ZNF92: variants seen among roughly 807,000 people sequenced by gnomAD.
ZNF92 encodes the protein zinc finger protein 92.
A neutral mutation model predicts 12.4 loss-of-function variants in ZNF92; 11 were observed. That is an observed-to-expected ratio of 0.89 (90% CI 0.56 to 1.47). ZNF92 has a LOEUF of 1.47. ZNF92 is among the 40% of genes most tolerant of loss of function. The pLI is 0.00. For missense variants in ZNF92, 622 were observed against 681.0 expected (o/e 0.91, Z 0.96); for synonymous variants, 206 against 228.6 (o/e 0.90, Z 0.89).
chr7:65,375,364 C>T (rs1454918061), intron 1 of ZNF92, among the ~76,000 whole-genome samples: 4 of 151,908 alleles, frequency 2.6e-5, no homozygotes, highest in African/African-American at 9.7e-5. Context: ...CGTAGAATAA[C>T]CTGAAGTATG....
chr7:65,374,032 G>T (rs367983039), intron 1 of ZNF92, 32 bp downstream of exon 1: 5 of 1,614,024 alleles, frequency 3.1e-6, no homozygotes, highest in South Asian at 2.2e-5. Context: ...TCCCGAGAGA[G>T]GGGGAGGGTC....
In ZNF92 at chr7:65,374,014, G is replaced by C; in HGVS notation, c.3+14G>C. 6.2e-7 allele frequency: 1 copy of C among 1,614,114 alleles called. No homozygotes were observed. Among genetic ancestry groups the C allele is most frequent in the South Asian group, 1.1e-5 (1 of 91,064 alleles). On this transcript the variant is annotated intron_variant, in intron 1 of 3. Transcript: ENST00000328747. ...AGCCTAGAAATGGTGAGCCTGCTGGGTCCCACATCCCGAGAGAGGGGGAGG... is the reference window on the plus strand; with the variant it reads ...AGCCTAGAAATGGTGAGCCTGCTGGCTCCCACATCCCGAGAGAGGGGGAGG...
chr7:65,373,890 T>C lies in ZNF92; in HGVS notation c.-108T>C. ...GCAGCCGGCGCTCCACGTCTAGTCT[T>C]CACTGCTCTGCGTCCTGTGCTGATA... On this transcript the variant is annotated 5_prime_UTR_variant, in exon 1 of 4. Coordinates refer to ENST00000328747, the MANE Select transcript of ZNF92 (RefSeq NM_152626.4). 4.0e-6 allele frequency: 6 copies of C among 1,509,316 alleles called. No homozygotes were observed. In the South Asian group the frequency reaches 6.8e-5, roughly 17 times the overall value. The allele number at this position is 1,509,316 out of a possible 1,614,324, so 93.5% of individuals were successfully genotyped here.
chr7:65,387,953 C>G lies in ZNF92; in HGVS notation c.55C>G (p.Gln19Glu). The part of the protein sequence containing the change: ...VKIEFSLEEW[Q>E]CLDTAQRNLY... ...AATAGAATTCTCTCTAGAGGAATGG[C>G]AATGCCTGGACACTGCGCAGCGGAA... Residue 19 changes from glutamine (Q) to glutamate (E), a missense_variant, in exon 2 of 4, where the codon CAA (glutamine) becomes GAA (glutamate). By Grantham distance (29) the Gln-to-Glu change is conservative. Coordinates refer to ENST00000328747, the MANE Select transcript of ZNF92 (RefSeq NM_152626.4). 6.2e-7 allele frequency: 1 copy of G among 1,607,542 alleles called. No individual in the cohort carries two copies. Among genetic ancestry groups the G allele is most frequent in the Non-Finnish European group, 8.5e-7 (1 of 1,177,636 alleles).
chr7:65,373,874 G>T lies in ZNF92; in HGVS notation c.-124G>T. ...GCCTTTGTCTCTCGCTGCAGCCGGC[G>T]CTCCACGTCTAGTCTTCACTGCTCT... On this transcript the variant is annotated 5_prime_UTR_variant, in exon 1 of 4. Transcript: ENST00000328747. 2.9e-6 allele frequency: 4 copies of T among 1,363,378 alleles called. No homozygotes were observed. The South Asian group carries it at 4.7e-5, about 16-fold the overall frequency. 84.5% of individuals were successfully genotyped at this position (1,363,378 alleles called of 1,614,324 possible).
intron 3 of ZNF92, among the ~76,000 whole-genome samples, chr7:65,395,946 C>T (rs1029854452): frequency 1.2e-5 from 1 of 82,896 alleles, no homozygotes; most frequent in African/African-American, 9.3e-5. Context: ...GGGTCTCACT[C>T]TGTCAACCAG....
At chr7:65,375,662 A>G (rs985949563) in intron 1 of ZNF92, among the ~76,000 whole-genome samples, 1 of 151,804 alleles carries the variant, frequency 6.6e-6, no homozygotes, top group Non-Finnish European at 1.5e-5. Context: ...ATCCTGGCCA[A>G]TATGGTGAAA....
chr7:65,394,246 A>G (rs1793793421), intron 3 of ZNF92, among the ~76,000 whole-genome samples: 1 of 152,084 alleles, frequency 6.6e-6, no homozygotes, highest in Non-Finnish European at 1.5e-5. Context: ...ATATGGTTCA[A>G]GGAAAGGATC....
At chr7:65,376,314 G>A (rs573838569) in intron 1 of ZNF92, among the ~76,000 whole-genome samples, 1 of 152,176 alleles carries the variant, frequency 6.6e-6, no homozygotes, top group South Asian at 2.1e-4. Flanking sequence ...GGCTTGAAAG[G>A]TAAGACATAT....
At chr7:65,383,934 CAA>C (rs1284109191) in intron 1 of ZNF92, among the ~76,000 whole-genome samples, 3 of 152,074 alleles carry the variant, frequency 2.0e-5, no homozygotes, top group Non-Finnish European at 4.4e-5. Context: ...GTTAGGCTGA[CAA>C]GAGTGGTTCA....
intron 1 of ZNF92, among the ~76,000 whole-genome samples, chr7:65,377,707 C>T (rs1051157238): frequency 3.9e-5 from 6 of 151,910 alleles, no homozygotes; most frequent in Non-Finnish European, 2.9e-5. Flanking sequence ...GCTGGGACTA[C>T]AGGCTCGTGC....
At position 65,399,552 on chromosome 7, in the gene ZNF92, C is replaced by T. The variant is rs1793954252; in HGVS notation, c.1438C>T (p.Pro480Ser). The T allele has an allele frequency of 6.2e-7, 1 of 1,613,518 alleles. No individual in the cohort carries two copies. Among genetic ancestry groups the T allele is most frequent in the African/African-American group, 1.3e-5 (1 of 74,874 alleles). ...KHKIIHTREK[P>S]YKCEECGKAF... ...TAAAATAATTCATACTAGAGAAAAA[C>T]CCTACAAATGTGAAGAATGTGGCAA... Residue 480 changes from proline (P) to serine (S), a missense_variant, in exon 4 of 4, where the codon CCC (proline) becomes TCC (serine). Pro to Ser is a moderately conservative substitution (Grantham distance 74, BLOSUM62 -1). Transcript: ENST00000328747.
At chr7:65,394,073 T>C (rs1793790027) in intron 3 of ZNF92, among the ~76,000 whole-genome samples, 2 of 152,114 alleles carry the variant, frequency 1.3e-5, no homozygotes, top group African/African-American at 2.4e-5. Flanking sequence ...TGTAAAAATT[T>C]TGAAGTATAG....
intron 3 of ZNF92, among the ~76,000 whole-genome samples, chr7:65,394,603 AT>A (rs1167337706): frequency 2.0e-5 from 3 of 152,076 alleles, no homozygotes; most frequent in Non-Finnish European, 4.4e-5. Flanking sequence ...ATTATGTTGA[AT>A]TTCTTTACCA....
At chr7:65,374,863 C>A (rs1398342814) in intron 1 of ZNF92, among the ~76,000 whole-genome samples, 4 of 152,056 alleles carry the variant, frequency 2.6e-5, no homozygotes, top group Admixed American at 1.3e-4. Context: ...AAGTCTACCC[C>A]CCATCCCTCA....
intron 1 of ZNF92, among the ~76,000 whole-genome samples, chr7:65,387,064 T>TGA (rs1793587651): frequency 6.6e-6 from 1 of 151,208 alleles, no homozygotes; most frequent in East Asian, 2.0e-4. Context: ...CTCAGCCTCC[T>TGA]GAGTAGCTGG....
At position 65,379,896 on chromosome 7, in the gene ZNF92, A is replaced by G. The variant is rs954343319; in HGVS notation, c.3+5896A>G. Reference sequence around the variant, plus strand: ...TCTGTTTTGTTTTTGGTTCGGGAGTACACATGCAGGATTGTTCTATAGGTA... The same window carrying G: ...TCTGTTTTGTTTTTGGTTCGGGAGTGCACATGCAGGATTGTTCTATAGGTA... On this transcript the variant is annotated intron_variant, in intron 1 of 3. Transcript: ENST00000328747. 3.9e-5 allele frequency among the ~76,000 whole-genome samples: 6 copies of G among 152,060 alleles called. 1 individual carries two copies. The highest frequency in any genetic ancestry group is 9.7e-5 in the African/African-American group (4 of 41,388).
rs1391696189 is a variant in ZNF92, at chr7:65,401,054, A to G, written c.*1179A>G. 6.6e-6 allele frequency: 1 copy of G among 152,042 alleles called. No homozygotes were observed. The highest frequency in any genetic ancestry group is 1.5e-5 in the Non-Finnish European group (1 of 67,936). 9.4% of individuals were successfully genotyped at this position (152,042 alleles called of 1,614,324 possible). A position where few individuals can be genotyped will look rare whatever the true frequency, so the allele number is the denominator to read the frequency against. On this transcript the variant is annotated 3_prime_UTR_variant, in exon 4 of 4. Transcript: ENST00000328747. ...TTATCATTTTGTTGATTGTGCTTTT[A>G]TGTAATAAAATGCAGTACTTTAAAA...
At chr7:65,390,921 G>A (rs982494288) in intron 3 of ZNF92, among the ~76,000 whole-genome samples, 1 of 152,142 alleles carries the variant, frequency 6.6e-6, no homozygotes. Flanking sequence ...CTGTGGCTGG[G>A]AGAAGTTTGG....
Sources: gnomAD v4.1 joint callset for allele counts (sites outside exome capture counted in the v4.1 genomes callset) on GRCh38, gnomAD v4.1.1 for gene constraint, MANE v1.5 for transcripts, NCBI Gene and HGNC (gene_info 2026-07-23, HGNC 2026-07-21) for gene names.